Variants in SLC49A4 observed in about 807,000 individuals in gnomAD.
SLC49A4 encodes the protein solute carrier family 49 member 4.
In SLC49A4, 36 loss-of-function variants were observed where a neutral mutation model predicts 50.6. The observed-to-expected ratio is 0.71, with a 90% confidence interval of 0.55 to 0.94. The LOEUF is 0.94. SLC49A4 is among the 40% of genes least tolerant of loss of function. The pLI, the probability that SLC49A4 is intolerant of heterozygous loss-of-function variation, is 0.00. For synonymous variants in SLC49A4, 248 were observed against 241.2 expected, an observed-to-expected ratio of 1.03 and a Z score of -0.26; for missense variants, 503 against 605.7, an observed-to-expected ratio of 0.83 and a Z score of 1.78.
At chr3:122,853,224 C>T (rs1168349908) in intron 5 of SLC49A4, among the ~76,000 whole-genome samples, 2 of 152,178 alleles carry the variant, frequency 1.3e-5, no homozygotes, top group African/African-American at 4.8e-5. Context: ...CTCCCTTCAA[C>T]CTCTTTTATA....
chr3:122,864,718 T>C (rs1408953326), intron 7 of SLC49A4, among the ~76,000 whole-genome samples: 2 of 152,150 alleles, frequency 1.3e-5, no homozygotes, highest in African/African-American at 2.4e-5. Flanking sequence ...CCAGTTGTAT[T>C]GAAAGGCATG....
chr3:122,874,711 G>A (rs774409754), intron 8 of SLC49A4, among the ~76,000 whole-genome samples: 6 of 152,196 alleles, frequency 3.9e-5, no homozygotes, highest in South Asian at 2.1e-4. Context: ...CCCAGGTAGT[G>A]AGCATAGTAC....
At chr3:122,841,214 A>G (rs1019939794) in intron 4 of SLC49A4, among the ~76,000 whole-genome samples, 1 of 152,182 alleles carries the variant, frequency 6.6e-6, no homozygotes, top group Non-Finnish European at 1.5e-5. Context: ...TTTTAATATT[A>G]TTCACTTAAT....
intron 7 of SLC49A4, among the ~76,000 whole-genome samples, chr3:122,861,718 T>C (rs1054951252): frequency 6.6e-6 from 1 of 152,338 alleles, no homozygotes; most frequent in African/African-American, 2.4e-5. Flanking sequence ...GACAGCCATT[T>C]ATTTGGGATT....
chr3:122,845,352 T>C (rs376810953), intron 4 of SLC49A4, among the ~76,000 whole-genome samples: 3 of 152,322 alleles, frequency 2.0e-5, no homozygotes, highest in East Asian at 3.9e-4. Context: ...ACATTTTCTT[T>C]ATCCAGTCTA....
At chr3:122,827,825 TG>T in intron 3 of SLC49A4, among the ~76,000 whole-genome samples, 1 of 152,238 alleles carries the variant, frequency 6.6e-6, no homozygotes, top group Non-Finnish European at 1.5e-5. Context: ...AGACCTAACT[TG>T]CCTGGGTTTG....
chr3:122,824,150 G>A (rs1936491806), intron 2 of SLC49A4, among the ~76,000 whole-genome samples: 1 of 152,182 alleles, frequency 6.6e-6, no homozygotes, highest in Non-Finnish European at 1.5e-5. Flanking sequence ...TAATACAAAA[G>A]CATGTAATTA....
chr3:122,865,282 G>C (rs774502886), intron 7 of SLC49A4, among the ~76,000 whole-genome samples: 2 of 152,210 alleles, frequency 1.3e-5, no homozygotes, highest in Non-Finnish European at 2.9e-5. Context: ...TTTTCAAGAA[G>C]AGAAATAAGT....
At position 122,795,418 on chromosome 3, in the gene SLC49A4, C is replaced by A; in HGVS notation, c.226C>A (p.Gln76Lys). The A allele has an allele frequency of 6.2e-7, 1 of 1,607,928 alleles. No individual in the cohort carries two copies. The change falls in exon 1 of 9, where the codon CAG becomes AAG. Residue 76 changes from glutamine (Q) to lysine (K), a missense_variant. Gln to Lys is a moderately conservative substitution (Grantham distance 53). Coordinates refer to ENST00000261038, the MANE Select transcript of SLC49A4 (RefSeq NM_032839.3). ...GLVWNTWGPI[Q>K]NSARQAYGFS... ...GGTCTGGAACACCTGGGGTCCCATC[C>A]AGAACTCGGCGCGCCAGGCCTACGG...
chr3:122,824,550 GCTTCT>G (rs754358705), intron 2 of SLC49A4, among the ~76,000 whole-genome samples: 31 of 151,916 alleles, frequency 2.0e-4, no homozygotes, highest in Admixed American at 5.2e-4. Context: ...GCTTCACTTT[GCTTCT>G]CTTCTCTTCT....
chr3:122,863,014 G>A (rs752937290), intron 7 of SLC49A4, among the ~76,000 whole-genome samples: 4 of 152,160 alleles, frequency 2.6e-5, no homozygotes, highest in Non-Finnish European at 5.9e-5. Context: ...GGACAGAAAG[G>A]AAAGCAGAAT....
intron 1 of SLC49A4, among the ~76,000 whole-genome samples, chr3:122,803,875 T>G (rs886255377): frequency 5.3e-5 from 8 of 152,198 alleles, no homozygotes; most frequent in African/African-American, 1.9e-4. Flanking sequence ...AAAGAAATAT[T>G]TTTATTTTCA....
intron 4 of SLC49A4, among the ~76,000 whole-genome samples, chr3:122,841,914 G>A (rs182665296): frequency 1.3e-4 from 20 of 149,992 alleles, no homozygotes; most frequent in Non-Finnish European, 1.8e-4. Context: ...TCTATAGCAC[G>A]TCGTACATTG....
At chr3:122,838,472 C>T (rs1297318154) in intron 4 of SLC49A4, among the ~76,000 whole-genome samples, 22 of 148,334 alleles carry the variant, frequency 1.5e-4, no homozygotes, top group Non-Finnish European at 3.0e-4. Context: ...AACCAAACAC[C>T]GCATGTTCTC....
In SLC49A4 at chr3:122,815,096, CT is replaced by C. The variant is rs201843402; in HGVS notation, c.437+8159del. ...TATCCAAGGCAGGTGACTGCATCTTCTTTTTTTTTTTTTGAGATGGAGTCTC... is the reference window on the plus strand; with the variant it reads ...TATCCAAGGCAGGTGACTGCATCTTCTTTTTTTTTTTTGAGATGGAGTCTC... On this transcript the variant is annotated intron_variant, in intron 2 of 8. Transcript: ENST00000261038. 5.6e-3 allele frequency among the ~76,000 whole-genome samples: 806 copies of C among 144,224 alleles called. 3 individuals carry two copies. The highest frequency in any genetic ancestry group is 0.012 in the African/African-American group (461 of 39,724). 94.6% of individuals were successfully genotyped at this position (144,224 alleles called of 152,430 possible). A position where few individuals can be genotyped will look rare whatever the true frequency, so the allele number is the denominator to read the frequency against.
rs761796120 is a variant in SLC49A4, at chr3:122,860,141, G to T, written c.1077G>T (p.Leu359=). 6.2e-7 allele frequency: 1 copy of T among 1,613,308 alleles called. No individual in the cohort carries two copies. Among genetic ancestry groups the T allele is most frequent in the African/African-American group, 1.3e-5 (1 of 74,876 alleles). Residue 359 remains leucine, a synonymous_variant, in exon 7 of 9, where the codon CTG becomes CTT. Transcript: ENST00000261038. ...ILLLLFSGAT[L]SSTWFTLTCL... ...TCCTCCTGTTTTCGGGAGCTACACT[G>T]TCATCCACGTGGTTCACCCTGACCT...
At chr3:122,796,384 G>A (rs1936040051) in intron 1 of SLC49A4, among the ~76,000 whole-genome samples, 1 of 152,228 alleles carries the variant, frequency 6.6e-6, no homozygotes. Context: ...GTTGCAATGA[G>A]TTCTTTAGTC....
At chr3:122,800,439 G>A (rs1414713167) in intron 1 of SLC49A4, among the ~76,000 whole-genome samples, 1 of 152,240 alleles carries the variant, frequency 6.6e-6, no homozygotes, top group Non-Finnish European at 1.5e-5. Flanking sequence ...TGCCATAAAG[G>A]GCAGCAGAGA....
chr3:122,857,668 G>A (rs1035065573), intron 6 of SLC49A4, among the ~76,000 whole-genome samples: 2 of 152,086 alleles, frequency 1.3e-5, no homozygotes, highest in Non-Finnish European at 2.9e-5. Context: ...AGCTAAAGAA[G>A]CAGAAGGGGA....
Sources: allele counts gnomAD v4.1 joint callset (sites outside exome capture counted in the v4.1 genomes callset), GRCh38; gene constraint gnomAD v4.1.1; transcripts MANE v1.5; gene names NCBI Gene and HGNC (gene_info 2026-07-23, HGNC 2026-07-21).